VEPH1: variants seen among roughly 807,000 people sequenced by gnomAD.
VEPH1 encodes ventricular zone-expressed PH domain-containing protein homolog 1.
In VEPH1, 80 loss-of-function variants were observed where a neutral mutation model predicts 85.2. The ratio of observed to expected loss-of-function variants is 0.94; its 90% CI spans 0.78 to 1.13. VEPH1 has a LOEUF of 1.13. Among genes scored for constraint, VEPH1 ranks in the 50% most tolerant of loss-of-function variants. VEPH1 has a pLI of 0.00. For synonymous variants in VEPH1, 297 were observed against 348.0 expected, an observed-to-expected ratio of 0.85 and a Z score of 1.63; for missense variants, 955 against 980.5, an observed-to-expected ratio of 0.97 and a Z score of 0.35.
At chr3:157,290,464 C>G (rs545668625) in intron 11 of VEPH1, among the ~76,000 whole-genome samples, 1 of 152,068 alleles carries the variant, frequency 6.6e-6, no homozygotes, top group East Asian at 1.9e-4. Flanking sequence ...TAATTTGTTA[C>G]GCATTATTGA....
In VEPH1 at chr3:157,411,379, T is replaced by C. The variant is rs192435363; in HGVS notation, c.906+2502A>G. Among the ~76,000 whole-genome samples, 51 of 152,282 alleles carry C rather than the reference T, an allele frequency of 3.3e-4. 4 individuals are homozygous for C. The East Asian group carries it at 4.1e-3, about 12-fold the overall frequency. The stretch of plus-strand genomic sequence containing the variant: ...ATCAATAGTCTAGAAAATTATTAAA[T>C]TAATTAGCAATGGCTTGATGGAGGA... On this transcript the variant is annotated intron_variant, in intron 6 of 13. Coordinates refer to ENST00000362010, the MANE Select transcript of VEPH1 (RefSeq NM_001167912.2).
chr3:157,396,260 G>T (rs995193456), intron 6 of VEPH1, among the ~76,000 whole-genome samples: 2 of 152,036 alleles, frequency 1.3e-5, no homozygotes, highest in Admixed American at 1.3e-4. Flanking sequence ...CAAAGGAAAA[G>T]GACATGATCT....
At chr3:157,360,431 G>A (rs548062788) in intron 9 of VEPH1, among the ~76,000 whole-genome samples, 171 of 152,062 alleles carry the variant, frequency 1.1e-3, no homozygotes, top group African/African-American at 3.9e-3. Flanking sequence ...AGTATCAAAA[G>A]AAAGTATTCT....
intron 4 of VEPH1, chr3:157,442,969 A>G (rs1342934845): frequency 5.6e-6 from 9 of 1,597,918 alleles, no homozygotes; most frequent in Non-Finnish European, 7.7e-6. Flanking sequence ...GGAGCTCAGT[A>G]TGTTTCATAA....
At chr3:157,493,299 G>A (rs1739385167) in intron 2 of VEPH1, 1 of 456,210 alleles carries the variant, frequency 2.2e-6, no homozygotes, top group Non-Finnish European at 4.4e-6. Flanking sequence ...CGTTTCTGAA[G>A]AGAAATTGAG....
intron 5 of VEPH1, among the ~76,000 whole-genome samples, chr3:157,418,044 T>C (rs1732051354): frequency 6.6e-6 from 1 of 152,160 alleles, no homozygotes. Context: ...GGGTCAACTG[T>C]CGGCATGGCT....
chr3:157,458,677 C>T (rs1735576357), intron 4 of VEPH1, among the ~76,000 whole-genome samples: 1 of 152,152 alleles, frequency 6.6e-6, no homozygotes, highest in South Asian at 2.1e-4. Context: ...GTTTTAAGGA[C>T]TTAGCCATAA....
chr3:157,289,849 G>C (rs555919674), intron 11 of VEPH1, among the ~76,000 whole-genome samples: 2 of 152,334 alleles, frequency 1.3e-5, no homozygotes, highest in East Asian at 3.9e-4. Flanking sequence ...CACTGTCTGA[G>C]TATTTTTCAG....
intron 6 of VEPH1, among the ~76,000 whole-genome samples, chr3:157,396,027 A>T (rs1158451735): frequency 1.3e-5 from 2 of 152,110 alleles, no homozygotes; most frequent in East Asian, 3.9e-4. Context: ...GCACCTATCA[A>T]CCCATCACTA....
chr3:157,373,265 C>T (rs188782018), intron 7 of VEPH1, among the ~76,000 whole-genome samples: 1 of 152,222 alleles, frequency 6.6e-6, no homozygotes, highest in African/African-American at 2.4e-5. Flanking sequence ...GAATCTACCC[C>T]AGGAATAAGT....
chr3:157,423,457 G>T (rs551295220), intron 5 of VEPH1, among the ~76,000 whole-genome samples: 2 of 152,174 alleles, frequency 1.3e-5, no homozygotes, highest in Admixed American at 1.3e-4. Flanking sequence ...TGGGAGTGAG[G>T]CTCAGGCATT....
chr3:157,440,843 A>G (rs904167449), intron 4 of VEPH1, among the ~76,000 whole-genome samples: 3 of 152,138 alleles, frequency 2.0e-5, no homozygotes, highest in Admixed American at 6.5e-5. Context: ...CAAATTTGAA[A>G]GTCCCCCTCC....
rs545811154 is a variant in VEPH1 at position 157,288,682 on chromosome 3, A to G, written c.2011-2008T>C. 7.2e-5 allele frequency among the ~76,000 whole-genome samples: 11 copies of G among 152,374 alleles called. No individual in the cohort carries two copies. The South Asian group carries it at 2.3e-3, about 32-fold the overall frequency. On this transcript the variant is annotated intron_variant, in intron 11 of 13. Transcript: ENST00000362010. ...TGGAACATAAACACAATGAGGACAG[A>G]TATTTTGTCTGTTGTGTTGGCTGCT... is the stretch of plus-strand genomic sequence containing the variant.
At chr3:157,346,116 A>G (rs554384680) in intron 9 of VEPH1, among the ~76,000 whole-genome samples, 1 of 152,306 alleles carries the variant, frequency 6.6e-6, no homozygotes, top group East Asian at 1.9e-4. Context: ...AACATGGCAC[A>G]TGTATACATA....
Position 157,261,283 on chromosome 3 carries a change from G to A in VEPH1, c.2353C>T (p.Pro785Ser). ...VAKKRRDRSL[P>S]RAFEIFTDNK... ...TCTGTGAAGATTTCGAAAGCCCGGG[G>A]GAGAGAGCGGTCCCTGCGTTTCTTG... The change falls in exon 14 of 14, where the codon CCC (proline) becomes TCC (serine). Residue 785 changes from proline (P) to serine (S), a missense_variant. By Grantham distance (74) the Pro-to-Ser change is moderately conservative (BLOSUM62 -1). Transcript: ENST00000362010. The A allele has an allele frequency of 6.2e-7, 1 of 1,613,708 alleles. No homozygotes were observed. Among genetic ancestry groups the A allele is most frequent in the South Asian group, 1.1e-5 (1 of 91,078 alleles).
At chr3:157,472,090 C>T (rs1171655015) in intron 2 of VEPH1, among the ~76,000 whole-genome samples, 2 of 152,210 alleles carry the variant, frequency 1.3e-5, no homozygotes, top group Non-Finnish European at 2.9e-5. Flanking sequence ...TATGTTTATA[C>T]AGAGGCATTC....
intron 6 of VEPH1, among the ~76,000 whole-genome samples, chr3:157,393,525 ACAGC>A (rs965137119): frequency 6.6e-6 from 1 of 152,244 alleles, no homozygotes; most frequent in African/African-American, 2.4e-5. Context: ...GTTACTTAGT[ACAGC>A]CTGAATGTTT....
chr3:157,390,430 G>T (rs1224616542), intron 6 of VEPH1, among the ~76,000 whole-genome samples: 1 of 152,188 alleles, frequency 6.6e-6, no homozygotes, highest in Admixed American at 6.5e-5. Context: ...TTATTAAGTA[G>T]TGTTAAGTGG....
At chr3:157,412,512 G>A (rs748475107) in intron 6 of VEPH1, among the ~76,000 whole-genome samples, 3 of 152,128 alleles carry the variant, frequency 2.0e-5, no homozygotes, top group Non-Finnish European at 2.9e-5. Flanking sequence ...TTCTTGCAAA[G>A]ATCTGCAAGG....
Sources: allele counts gnomAD v4.1 joint callset (sites outside exome capture counted in the v4.1 genomes callset), GRCh38; gene constraint gnomAD v4.1.1; transcripts MANE v1.5; gene names NCBI Gene and HGNC (gene_info 2026-07-23, HGNC 2026-07-21).